The following IL7R variants were observed in gnomAD, a reference collection of about 807,000 sequenced individuals.
The protein encoded by IL7R is interleukin-7 receptor subunit alpha.
Under a neutral mutation model 47.0 loss-of-function variants are expected in IL7R, and 38 were observed. The ratio of observed to expected loss-of-function variants is 0.81; its 90% CI spans 0.62 to 1.06. The LOEUF (loss-of-function observed/expected upper bound fraction) is 1.06. Among genes scored for constraint, IL7R ranks in the 50% least tolerant of loss-of-function variants. IL7R has a pLI of 0.00. For missense variants in IL7R, 633 were observed against 534.8 expected, an observed-to-expected ratio of 1.18 and a Z score of -1.81; for synonymous variants, 221 against 199.8, an observed-to-expected ratio of 1.11 and a Z score of -0.89.
intron 2 of IL7R, among the ~76,000 whole-genome samples, chr5:35,866,827 T>C (rs1214181277): frequency 1.3e-5 from 2 of 152,118 alleles, no homozygotes; most frequent in Non-Finnish European, 2.9e-5. Flanking sequence ...AAATTACCTA[T>C]AAAAATCCAT....
chr5:35,873,260 C>T lies in IL7R; in HGVS notation c.538-220C>T, dbSNP rs937742937. The T allele has an allele frequency of 1.0e-5, 6 of 584,290 alleles. No homozygotes were observed. The African/African-American group carries it at 1.1e-4, about 11-fold the overall frequency. 36.2% of individuals were successfully genotyped at this position (584,290 alleles called of 1,614,324 possible). On this transcript the variant is annotated intron_variant, in intron 4 of 7. Transcript: ENST00000303115. ...CACCTGAATAAGACCCATCATTTCA[C>T]TCTCCTCCTTGACCACTCACAACAT... is the stretch of plus-strand genomic sequence containing the variant.
chr5:35,863,313 A>G (rs1759864269), intron 2 of IL7R, among the ~76,000 whole-genome samples: 2 of 152,184 alleles, frequency 1.3e-5, no homozygotes, highest in African/African-American at 4.8e-5. Context: ...TCAGACCACA[A>G]TAAACCAAAG....
At position 35,873,508 on chromosome 5, in the gene IL7R, C is replaced by G. The variant is rs1760124047; in HGVS notation, c.566C>G (p.Thr189Arg). ...GTGAATTTATCCAGCACAAAGCTGA[C>G]ACTCCTGCAGAGAAAGCTCCAACCG... ...THVNLSSTKL[T>R]LLQRKLQPAA... The change falls in exon 5 of 8, where the codon ACA becomes AGA. Residue 189 changes from threonine to arginine, a missense_variant. By Grantham distance (71) the Thr-to-Arg change is moderately conservative. Transcript: ENST00000303115. 6.2e-7 allele frequency: 1 copy of G among 1,613,928 alleles called. No homozygotes were observed. The highest frequency in any genetic ancestry group is 1.7e-5 in the Admixed American group (1 of 60,002).
rs1760117947 is a variant in IL7R at position 35,873,243 on chromosome 5, T to A, written c.538-237T>A. On this transcript the variant is annotated intron_variant, in intron 4 of 7. Coordinates refer to ENST00000303115, the MANE Select transcript of IL7R (RefSeq NM_002185.5). ...CTGGGCAGTGCCTAACTCACCTGAA[T>A]AAGACCCATCATTTCACTCTCCTCC... 7.1e-6 allele frequency: 4 copies of A among 560,570 alleles called. 1 individual carries two copies. The East Asian group carries it at 1.3e-4, about 18-fold the overall frequency. 34.7% of individuals were successfully genotyped at this position (560,570 alleles called of 1,614,324 possible). A position where few individuals can be genotyped will look rare whatever the true frequency, so the allele number is the denominator to read the frequency against.
intron 3 of IL7R, among the ~76,000 whole-genome samples, chr5:35,870,003 C>T (rs898257163): frequency 6.6e-6 from 1 of 152,190 alleles, no homozygotes; most frequent in South Asian, 2.1e-4. Flanking sequence ...TTTATTGGGC[C>T]GGCAAGTAAC....
rs1455558987 is a variant in IL7R at position 35,870,519 on chromosome 5, G to A, written c.380-537G>A. On this transcript the variant is annotated intron_variant, in intron 3 of 7. Coordinates refer to ENST00000303115, the MANE Select transcript of IL7R (RefSeq NM_002185.5). ...AGAGTTTAAATACTCCTGCTTTGGG[G>A]CTCATTAGTAACAAGTTCTCCAATA... Among the ~76,000 whole-genome samples the A allele has an allele frequency of 2.6e-5, 4 of 152,182 alleles. No individual in the cohort carries two copies. In the East Asian group the frequency reaches 5.8e-4, roughly 22 times the overall value.
chr5:35,869,780 C>T (rs1760025222), intron 3 of IL7R, among the ~76,000 whole-genome samples: 1 of 152,186 alleles, frequency 6.6e-6, no homozygotes, highest in African/African-American at 2.4e-5. Flanking sequence ...TTCGGCTGTT[C>T]TCCACCCACT....
chr5:35,874,882 A>T (rs1428699281), intron 6 of IL7R, among the ~76,000 whole-genome samples: 1 of 152,218 alleles, frequency 6.6e-6, no homozygotes, highest in Non-Finnish European at 1.5e-5. Context: ...ATATAAATTC[A>T]TGGGATTTTT....
At chr5:35,875,032 T>C (rs3822733) in intron 6 of IL7R, among the ~76,000 whole-genome samples, 39,325 of 152,114 alleles carry the variant, frequency 0.26, 5,310 homozygotes, top group Middle Eastern at 0.32. Flanking sequence ...ATACCCTAAT[T>C]TGAAAAGTAC....
intron 2 of IL7R, among the ~76,000 whole-genome samples, chr5:35,865,643 A>T (rs1759920959): frequency 6.6e-6 from 1 of 152,134 alleles, no homozygotes; most frequent in Non-Finnish European, 1.5e-5. Context: ...CTTTTTAATG[A>T]TCACCATTCT....
chr5:35,870,986 T>A, intron 3 of IL7R, 70 bp from the exon 4 acceptor site: 1 of 1,392,826 alleles, frequency 7.2e-7, no homozygotes. Context: ...GCAGAGGAGA[T>A]GAATTTTAAA....
rs751358220 is a variant in IL7R, at chr5:35,860,882, A to T, written c.113A>T (p.Tyr38Phe). 2 of 1,613,452 alleles carry T rather than the reference A, an allele frequency of 1.2e-6. No homozygotes were observed. The highest frequency in any genetic ancestry group is 1.7e-6 in the Non-Finnish European group (2 of 1,179,550). The change falls in exon 2 of 8, where the codon TAC becomes TTC. Residue 38 changes from tyrosine to phenylalanine, a missense_variant. Physicochemically the swap from Tyr to Phe is conservative, Grantham distance 22 (BLOSUM62 3). Transcript: ENST00000303115. ...TTGGAAGATGCAGAACTGGATGACT[A>T]CTCATTCTCATGCTATAGCCAGTTG... ...GDLEDAELDDYSFSCYSQLEV... is the reference protein window; with the variant it reads ...GDLEDAELDDFSFSCYSQLEV...
At chr5:35,874,768 C>T (rs1561425135) in intron 6 of IL7R, among the ~76,000 whole-genome samples, 3 of 152,168 alleles carry the variant, frequency 2.0e-5, no homozygotes, top group South Asian at 2.1e-4. Context: ...GTAAGAATTC[C>T]GTAATGCAAT....
intron 1 of IL7R, among the ~76,000 whole-genome samples, chr5:35,859,980 A>T (rs1029123140): frequency 6.6e-6 from 1 of 152,122 alleles, no homozygotes; most frequent in Admixed American, 6.5e-5. Flanking sequence ...ACATACATAC[A>T]AAATGTAGAT....
Position 35,876,288 on chromosome 5 carries a change from C to G in IL7R, c.1182C>G (p.Gly394=), listed in dbSNP as rs563086691. 1 of 1,613,934 alleles carries G rather than the reference C, an allele frequency of 6.2e-7. No individual in the cohort carries two copies. Among genetic ancestry groups the G allele is most frequent in the Non-Finnish European group, 8.5e-7 (1 of 1,179,964 alleles). Residue 394 remains glycine (G), a synonymous_variant, in exon 8 of 8, where the codon GGC becomes GGG. Coordinates refer to ENST00000303115, the MANE Select transcript of IL7R (RefSeq NM_002185.5). ...GGTCCCTAGACTGCAGGGAGAGTGG[C>G]AAGAATGGGCCTCATGTGTACCAGG... is the stretch of plus-strand genomic sequence containing the variant. The part of the protein sequence containing the change: ...SSRSLDCRES[G]KNGPHVYQDL...
rs1197491962 is a variant in IL7R, at chr5:35,876,143, G to A, written c.1037G>A (p.Ser346Asn). 1.2e-6 allele frequency: 2 copies of A among 1,614,142 alleles called. No homozygotes were observed. Among genetic ancestry groups the A allele is most frequent in the Admixed American group, 1.7e-5 (1 of 60,024 alleles). ...CAGAGGCTTGGAGGGGATGTGCAGAGCCCCAACTGCCCATCTGAGGATGTA... is the reference window on the plus strand; with the variant it reads ...CAGAGGCTTGGAGGGGATGTGCAGAACCCCAACTGCCCATCTGAGGATGTA... ...EKQRLGGDVQ[S>N]PNCPSEDVVI... The change falls in exon 8 of 8, where the codon AGC becomes AAC. Residue 346 changes from serine to asparagine, a missense_variant. Ser to Asn is a conservative substitution (Grantham distance 46). Coordinates refer to ENST00000303115, the MANE Select transcript of IL7R (RefSeq NM_002185.5).
chr5:35,859,911 T>G (rs1373621589), intron 1 of IL7R, among the ~76,000 whole-genome samples: 1 of 151,500 alleles, frequency 6.6e-6, no homozygotes, highest in Non-Finnish European at 1.5e-5. Context: ...TTTTCTCAGG[T>G]CCCAGTGGGT....
rs187291825 is a variant in IL7R at position 35,865,822 on chromosome 5, G to A, written c.222-1484G>A. Among the ~76,000 whole-genome samples the A allele has an allele frequency of 3.6e-3, 543 of 152,178 alleles. 7 individuals are homozygous for A. Among genetic ancestry groups the A allele is most frequent in the African/African-American group, 0.013 (526 of 41,532 alleles). ...TATGAACAGACACTTCTCAAAAGAA[G>A]ACATTTATGCAGCCAAAAGACACAT... On this transcript the variant is annotated intron_variant, in intron 2 of 7. Coordinates refer to ENST00000303115, the MANE Select transcript of IL7R (RefSeq NM_002185.5).
chr5:35,856,939 T>C lies in IL7R; in HGVS notation c.-39T>C, dbSNP rs201511279. 12 of 1,149,480 alleles carry C rather than the reference T, an allele frequency of 1.0e-5. No homozygotes were observed. The South Asian group carries it at 1.3e-4, about 13-fold the overall frequency. 71.2% of individuals were successfully genotyped at this position (1,149,480 alleles called of 1,614,324 possible). A position where few individuals can be genotyped will look rare whatever the true frequency, so the allele number is the denominator to read the frequency against. On this transcript the variant is annotated 5_prime_UTR_variant, in exon 1 of 8. Transcript: ENST00000303115. ...TTACTCTCATTCATTTCATACACAC[T>C]GGCTCACACATCTACTCTCTCTCTC... is the stretch of plus-strand genomic sequence containing the variant.
Sources: gnomAD v4.1 joint callset for allele counts (sites outside exome capture counted in the v4.1 genomes callset) on GRCh38, gnomAD v4.1.1 for gene constraint, MANE v1.5 for transcripts, NCBI Gene and HGNC (gene_info 2026-07-23, HGNC 2026-07-21) for gene names.